The following PREX2 variants were observed in gnomAD, a reference collection of about 807,000 sequenced individuals.
PREX2 encodes the protein phosphatidylinositol 3,4,5-trisphosphate-dependent Rac exchanger 2 protein.
In PREX2, 107 loss-of-function variants were observed where a neutral mutation model predicts 203.2. The ratio of observed to expected loss-of-function variants is 0.53; its 90% CI spans 0.45 to 0.62. PREX2 has a LOEUF of 0.62. PREX2 is among the 20% of genes least tolerant of loss of function. The pLI is 0.00. For missense variants in PREX2, 1,777 were observed against 1,955.9 expected (o/e 0.91, Z 1.72); for synonymous variants, 672 against 663.6 (o/e 1.01, Z -0.19).
intron 1 of PREX2, among the ~76,000 whole-genome samples, chr8:67,985,520 A>G (rs28478207): frequency 7.9e-5 from 12 of 152,048 alleles, no homozygotes; most frequent in African/African-American, 2.9e-4. Flanking sequence ...TTTGGTCTAA[A>G]TGTCAATATT....
At chr8:67,992,272 A>G (rs1249792753) in intron 1 of PREX2, among the ~76,000 whole-genome samples, 1 of 152,230 alleles carries the variant, frequency 6.6e-6, no homozygotes, top group African/African-American at 2.4e-5. Flanking sequence ...GGATATGGGT[A>G]GTATGATGTC....
intron 26 of PREX2, among the ~76,000 whole-genome samples, chr8:68,117,274 G>T (rs1427358058): frequency 6.6e-6 from 1 of 152,212 alleles, no homozygotes; most frequent in African/African-American, 2.4e-5. Context: ...GGAAGCTGAA[G>T]CCCAGAGGGC....
intron 35 of PREX2, 46 bp from the exon 36 acceptor site, chr8:68,191,676 T>C: frequency 7.3e-7 from 1 of 1,365,538 alleles, no homozygotes; most frequent in South Asian, 1.2e-5. Context: ...GCATATTATG[T>C]CTTTTCCTAA....
intron 23 of PREX2, chr8:68,101,475 A>G (rs748269454): frequency 2.1e-5 from 11 of 518,482 alleles, no homozygotes; most frequent in Non-Finnish European, 4.2e-5. Flanking sequence ...ATGACTGCTG[A>G]GTTCAGTTCA....
At chr8:68,018,371 G>A (rs1242795152) in intron 2 of PREX2, among the ~76,000 whole-genome samples, 1 of 152,128 alleles carries the variant, frequency 6.6e-6, no homozygotes, top group African/African-American at 2.4e-5. Context: ...CGAGGCTGAG[G>A]CAGGAGAATT....
intron 25 of PREX2, among the ~76,000 whole-genome samples, chr8:68,114,860 G>T (rs1275930504): frequency 6.6e-6 from 1 of 152,114 alleles, no homozygotes; most frequent in Non-Finnish European, 1.5e-5. Context: ...GAATGCCTGG[G>T]CAAAACCCAA....
chr8:68,163,982 A>G (rs181879414), intron 35 of PREX2, among the ~76,000 whole-genome samples: 1 of 152,262 alleles, frequency 6.6e-6, no homozygotes, highest in East Asian at 1.9e-4. Flanking sequence ...CTGAAAGCCA[A>G]CGAGATCAGG....
At chr8:68,087,863 C>T (rs973286709) in intron 19 of PREX2, 54 bp downstream of exon 19, 48 of 1,128,114 alleles carry the variant, frequency 4.3e-5, no homozygotes, top group East Asian at 1.6e-4. Flanking sequence ...GGGATGTGCC[C>T]GATGGAACAG....
chr8:68,211,810 G>A (rs1217927285), intron 37 of PREX2, among the ~76,000 whole-genome samples: 2 of 152,148 alleles, frequency 1.3e-5, no homozygotes, highest in East Asian at 1.9e-4. Context: ...TGGGTTGTGG[G>A]GAGTAAGTAG....
At chr8:67,976,278 C>T (rs993956436) in intron 1 of PREX2, among the ~76,000 whole-genome samples, 8 of 152,086 alleles carry the variant, frequency 5.3e-5, no homozygotes, top group African/African-American at 1.7e-4. Flanking sequence ...ATAGCTCTCT[C>T]GAAGATAGCT....
At chr8:68,138,856 T>C (rs554320331) in intron 33 of PREX2, among the ~76,000 whole-genome samples, 3 of 152,150 alleles carry the variant, frequency 2.0e-5, no homozygotes, top group Non-Finnish European at 4.4e-5. Flanking sequence ...CTCTTGTTTT[T>C]TCAAAAGTAT....
chr8:67,966,585 G>T (rs1302432744), intron 1 of PREX2, among the ~76,000 whole-genome samples: 1 of 151,930 alleles, frequency 6.6e-6, no homozygotes. Flanking sequence ...AACATGGTGA[G>T]ACCTCTGTCT....
intron 1 of PREX2, among the ~76,000 whole-genome samples, chr8:67,960,949 G>A (rs574858171): frequency 3.3e-4 from 50 of 149,406 alleles, no homozygotes; most frequent in African/African-American, 1.2e-3. Flanking sequence ...AAGCACTTCT[G>A]GTTTATTACA....
chr8:68,051,212 A>G (rs1332075475), intron 8 of PREX2, among the ~76,000 whole-genome samples: 2 of 152,118 alleles, frequency 1.3e-5, no homozygotes, highest in East Asian at 1.9e-4. Flanking sequence ...ATTTTGGCAC[A>G]TGAACTTGTG....
chr8:68,172,572 C>A (rs1439234163), intron 35 of PREX2, among the ~76,000 whole-genome samples: 1 of 152,094 alleles, frequency 6.6e-6, no homozygotes, highest in Admixed American at 6.5e-5. Context: ...AGAAGATAAT[C>A]AATCTTAAGC....
intron 15 of PREX2, among the ~76,000 whole-genome samples, chr8:68,077,823 G>C (rs922411281): frequency 3.3e-5 from 5 of 152,062 alleles, no homozygotes; most frequent in Non-Finnish European, 7.3e-5. Flanking sequence ...GTTTTATTTT[G>C]AATGCCAGTA....
rs1442065823 is a variant in PREX2 at position 68,115,810 on chromosome 8, A to C, written c.3204A>C (p.Ile1068=). 1 of 1,613,858 alleles carries C rather than the reference A, an allele frequency of 6.2e-7. No homozygotes were observed. The highest frequency in any genetic ancestry group is 1.7e-5 in the Admixed American group (1 of 60,018). The change falls in exon 26 of 40, where the codon ATA becomes ATC. Residue 1068 remains isoleucine (I), a synonymous_variant. Coordinates refer to ENST00000288368, the MANE Select transcript of PREX2 (RefSeq NM_024870.4). ...PKLERKTSEG[I]IPTDSDNEKG... ...TAGAACGTAAGACATCAGAGGGCAT[A>C]ATACCAACAGACAGTGACAATGAGA...
intron 4 of PREX2, among the ~76,000 whole-genome samples, chr8:68,024,757 T>G (rs1314688116): frequency 6.6e-6 from 1 of 152,028 alleles, no homozygotes; most frequent in East Asian, 1.9e-4. Flanking sequence ...CAAGCATTTT[T>G]TATGTACCAT....
chr8:67,977,142 G>T (rs965934967), intron 1 of PREX2, among the ~76,000 whole-genome samples: 1 of 152,120 alleles, frequency 6.6e-6, no homozygotes, highest in South Asian at 2.1e-4. Flanking sequence ...GGGTCATGAG[G>T]GTAGGGCCTT....
Sources: allele counts gnomAD v4.1 joint callset (sites outside exome capture counted in the v4.1 genomes callset), GRCh38; gene constraint gnomAD v4.1.1; transcripts MANE v1.5; gene names NCBI Gene and HGNC (gene_info 2026-07-23, HGNC 2026-07-21).